Variants in FREM2 observed in about 807,000 individuals in gnomAD.
FREM2 encodes FRAS1 related extracellular matrix 2.
In FREM2, 119 loss-of-function variants were observed where a neutral mutation model predicts 219.9. The ratio of observed to expected loss-of-function variants is 0.54; its 90% CI spans 0.47 to 0.63. The LOEUF (loss-of-function observed/expected upper bound fraction) is 0.63. Ranked by LOEUF, FREM2 falls within the 30% of genes least tolerant of loss-of-function variation. The pLI, the probability that FREM2 is intolerant of heterozygous loss-of-function variation, is 0.00. For synonymous variants in FREM2, 1,562 were observed against 1,522.8 expected, an observed-to-expected ratio of 1.03 and a Z score of -0.60; for missense variants, 4,030 against 3,993.6, an observed-to-expected ratio of 1.01 and a Z score of -0.25.
intron 2 of FREM2, among the ~76,000 whole-genome samples, chr13:38,722,587 G>T (rs1411894269): frequency 6.6e-6 from 1 of 152,028 alleles, no homozygotes; most frequent in Non-Finnish European, 1.5e-5. Flanking sequence ...TTCTAACACA[G>T]ATTGAGGGGC....
chr13:38,868,997 A>G (rs1423078550), intron 16 of FREM2, among the ~76,000 whole-genome samples: 1 of 152,148 alleles, frequency 6.6e-6, no homozygotes, highest in Non-Finnish European at 1.5e-5. Flanking sequence ...GTCCTCAACA[A>G]TCCCACAGAG....
At chr13:38,798,430 ATTG>A (rs769324412) in intron 6 of FREM2, among the ~76,000 whole-genome samples, 11 of 151,746 alleles carry the variant, frequency 7.2e-5, no homozygotes, top group Non-Finnish European at 1.0e-4. Context: ...TTTTGTTGTT[ATTG>A]TTGTTGTGTC....
At chr13:38,858,887 G>A (rs1877655468) in intron 13 of FREM2, among the ~76,000 whole-genome samples, 1 of 151,006 alleles carries the variant, frequency 6.6e-6, no homozygotes, top group Non-Finnish European at 1.5e-5. Context: ...AGTGCTGCTG[G>A]AAATGGAAAG....
At chr13:38,738,193 AAAT>A (rs2137776194) in intron 2 of FREM2, among the ~76,000 whole-genome samples, 1 of 152,306 alleles carries the variant, frequency 6.6e-6, no homozygotes, top group East Asian at 1.9e-4. Flanking sequence ...TTGCAGGAAA[AAAT>A]AATGAGGAGA....
rs1555270912 is a variant in FREM2, at chr13:38,837,775, G to GTTTTTTTTTTTTTTT, written c.6020-8794_6020-8793insTTTTTTTTTTTTTTT. ...GGATTGCAACCCCTGGTTTTTTTTTGTTTTGTTTTGTTTTGTTTTTGCTTT... is the reference window on the plus strand; with the variant it reads ...GGATTGCAACCCCTGGTTTTTTTTTGTTTTTTTTTTTTTTTTTTTGTTTTGTTTTGTTTTTGCTTT... On this transcript the variant is annotated intron_variant, in intron 6 of 23. Coordinates refer to ENST00000280481, the MANE Select transcript of FREM2 (RefSeq NM_207361.6). Among the ~76,000 whole-genome samples, 116 of 128,730 alleles carry GTTTTTTTTTTTTTTT rather than the reference G, an allele frequency of 9.0e-4. 4 individuals are homozygous for GTTTTTTTTTTTTTTT. Among genetic ancestry groups the GTTTTTTTTTTTTTTT allele is most frequent in the Middle Eastern group, 4.0e-3 (1 of 252 alleles). The allele number at this position is 128,730 out of a possible 152,430, so 84.5% of individuals were successfully genotyped here. A position where few individuals can be genotyped will look rare whatever the true frequency, so the allele number is the denominator to read the frequency against.
intron 2 of FREM2, among the ~76,000 whole-genome samples, chr13:38,727,089 C>T (rs1005040249): frequency 6.6e-6 from 1 of 152,084 alleles, no homozygotes; most frequent in African/African-American, 2.4e-5. Context: ...TTTTTGATAC[C>T]TTTGGTACAG....
At chr13:38,759,472 A>G (rs1258816592) in intron 2 of FREM2, among the ~76,000 whole-genome samples, 3 of 150,560 alleles carry the variant, frequency 2.0e-5, no homozygotes, top group Non-Finnish European at 4.4e-5. Flanking sequence ...AAAACGACTG[A>G]GTTTGAATTG....
intron 2 of FREM2, among the ~76,000 whole-genome samples, chr13:38,739,259 A>C (rs1872134633): frequency 6.6e-6 from 1 of 152,190 alleles, no homozygotes; most frequent in African/African-American, 2.4e-5. Context: ...GAAAAAGATA[A>C]AGGAAGACAA....
intron 6 of FREM2, among the ~76,000 whole-genome samples, chr13:38,788,945 GA>G (rs1370318812): frequency 6.6e-6 from 1 of 152,040 alleles, no homozygotes; most frequent in Non-Finnish European, 1.5e-5. Context: ...TTAGTGTAAT[GA>G]ATTGCATTTT....
intron 2 of FREM2, among the ~76,000 whole-genome samples, chr13:38,736,217 T>G (rs1871988149): frequency 6.6e-6 from 1 of 152,166 alleles, no homozygotes; most frequent in Non-Finnish European, 1.5e-5. Flanking sequence ...AACCTATTTG[T>G]AAGAATGATT....
chr13:38,804,943 A>T (rs1875165566), intron 6 of FREM2, among the ~76,000 whole-genome samples: 3 of 152,174 alleles, frequency 2.0e-5, no homozygotes, highest in Admixed American at 1.3e-4. Context: ...CTTTCTTCTT[A>T]ACCAATCCAG....
At chr13:38,752,479 G>C (rs145132851) in intron 2 of FREM2, among the ~76,000 whole-genome samples, 1 of 151,992 alleles carries the variant, frequency 6.6e-6, no homozygotes, top group South Asian at 2.1e-4. Flanking sequence ...TAATTTTCTG[G>C]GATTCTGAGT....
chr13:38,710,690 C>T (rs1010973599), intron 2 of FREM2, among the ~76,000 whole-genome samples: 2 of 152,126 alleles, frequency 1.3e-5, no homozygotes, highest in Non-Finnish European at 2.9e-5. Flanking sequence ...TCAATAAATA[C>T]GTGTGGAGTG....
chr13:38,878,234 T>G lies in FREM2; in HGVS notation c.8772T>G (p.Asp2924Glu). The change falls in exon 22 of 24, where the codon GAT (aspartate) becomes GAG (glutamate). Residue 2924 changes from aspartate (D) to glutamate (E), a missense_variant. Asp to Glu is a conservative substitution (Grantham distance 45). Transcript: ENST00000280481. ...IEKVFLCTGA[D>E]GYVPKYSPMN... is the part of the protein sequence containing the mutation. Reference sequence around the variant, plus strand: ...AGGTGTTTCTATGCACTGGAGCTGATGGCTATGTTCCCAAGTATAGTCCAA... The same window carrying G: ...AGGTGTTTCTATGCACTGGAGCTGAGGGCTATGTTCCCAAGTATAGTCCAA... 6.2e-7 allele frequency: 1 copy of G among 1,613,792 alleles called. No homozygotes were observed. Among genetic ancestry groups the G allele is most frequent in the Non-Finnish European group, 8.5e-7 (1 of 1,179,810 alleles).
intron 11 of FREM2, among the ~76,000 whole-genome samples, chr13:38,852,093 A>G (rs558751004): frequency 4.6e-5 from 7 of 152,094 alleles, no homozygotes. Context: ...AATAATGTAC[A>G]TTGTACCCAT....
At chr13:38,871,196 A>T (rs1299035542) in intron 16 of FREM2, among the ~76,000 whole-genome samples, 2 of 152,298 alleles carry the variant, frequency 1.3e-5, no homozygotes, top group Admixed American at 6.5e-5. Context: ...GGTTTGGTTG[A>T]TGGTTCTTTT....
At chr13:38,831,294 A>T (rs970141326) in intron 6 of FREM2, among the ~76,000 whole-genome samples, 27 of 152,166 alleles carry the variant, frequency 1.8e-4, no homozygotes, top group African/African-American at 6.5e-4. Context: ...ATGTTGGAAA[A>T]TTTTGATGAC....
chr13:38,728,802 G>A (rs185195998), intron 2 of FREM2, among the ~76,000 whole-genome samples: 16 of 152,152 alleles, frequency 1.1e-4, no homozygotes, highest in Non-Finnish European at 1.6e-4. Flanking sequence ...AATATGTTGG[G>A]AAATGCTGCC....
At chr13:38,720,164 G>A (rs1413334094) in intron 2 of FREM2, among the ~76,000 whole-genome samples, 1 of 152,068 alleles carries the variant, frequency 6.6e-6, no homozygotes, top group Admixed American at 6.5e-5. Context: ...CTTAGCTGTG[G>A]GATTTCCCTC....
Sources: gnomAD v4.1 joint callset for allele counts (sites outside exome capture counted in the v4.1 genomes callset) on GRCh38, gnomAD v4.1.1 for gene constraint, MANE v1.5 for transcripts, NCBI Gene and HGNC (gene_info 2026-07-23, HGNC 2026-07-21) for gene names.